Variants in DOCK11 observed in about 807,000 individuals in gnomAD.
The protein encoded by DOCK11 is dedicator of cytokinesis 11.
A neutral mutation model predicts 169.1 loss-of-function variants in DOCK11; 70 were observed. That is an observed-to-expected ratio of 0.41 (90% CI 0.34 to 0.51). DOCK11 has a LOEUF of 0.51. DOCK11 is among the 20% of genes least tolerant of loss of function. The pLI is 0.10. For synonymous variants in DOCK11, 529 were observed against 541.3 expected (o/e 0.98, Z 0.32); for missense variants, 1,166 against 1,538.8 (o/e 0.76, Z 4.05).
Position 118,572,229 on chromosome X carries a change from G to A in DOCK11, c.1036-94G>A, listed in dbSNP as rs921851888. ...AGGGTTCAAATGAAGAATGGACAGA[G>A]AACTGTTGGATTTTTGCCATTTTTT... On this transcript the variant is annotated intron_variant, in intron 10 of 52. Coordinates refer to ENST00000276202, the MANE Select transcript of DOCK11 (RefSeq NM_144658.4). 2.0e-5 allele frequency: 15 copies of A among 754,520 alleles called. No homozygotes were observed. The Admixed American group carries it at 3.8e-4, about 19-fold the overall frequency. 62.2% of individuals were successfully genotyped at this position (754,520 alleles called of 1,213,427 possible).
chrX:118,644,656 G>A lies in DOCK11; in HGVS notation c.4398+1062G>A, dbSNP rs889813992. On this transcript the variant is annotated intron_variant, in intron 40 of 52. Transcript: ENST00000276202. ...AGTCTGTATAGACCTCTGGGGGTGA[G>A]CAGGAGAAGAACTCTAATTTAGCAA... Among the ~76,000 whole-genome samples, 32 of 111,464 alleles carry A rather than the reference G, an allele frequency of 2.9e-4. No individual in the cohort carries two copies. In the Admixed American group the frequency reaches 3.1e-3, roughly 11 times the overall value.
intron 6 of DOCK11, among the ~76,000 whole-genome samples, chrX:118,551,253 G>A (rs1387208185): frequency 8.9e-6 from 1 of 112,649 alleles, no homozygotes; most frequent in Non-Finnish European, 1.9e-5. Flanking sequence ...CTTCTTCCCT[G>A]TGTTTTAGCT....
intron 20 of DOCK11, among the ~76,000 whole-genome samples, chrX:118,595,925 G>T (rs1293739015): frequency 9.0e-6 from 1 of 110,976 alleles, no homozygotes; most frequent in Admixed American, 9.6e-5. Flanking sequence ...GAAATGGGGA[G>T]TGACTTCTAA....
At chrX:118,538,833 TAA>T in intron 1 of DOCK11, 2 of 165,313 alleles carry the variant, frequency 1.2e-5, no homozygotes, top group Non-Finnish European at 2.0e-5. Context: ...CTTTTATGTA[TAA>T]GTCTAATAAT....
At chrX:118,665,431 G>T (rs2016317493) in intron 45 of DOCK11, among the ~76,000 whole-genome samples, 1 of 112,048 alleles carries the variant, frequency 8.9e-6, no homozygotes, top group South Asian at 3.7e-4. Context: ...ATTTCATGGG[G>T]CTTAACTGGT....
intron 24 of DOCK11, among the ~76,000 whole-genome samples, chrX:118,606,976 C>A (rs888081622): frequency 3.6e-5 from 4 of 110,040 alleles, no homozygotes; most frequent in African/African-American, 1.3e-4. Context: ...CCCCGGCTCT[C>A]CCTTCCTTTT....
At chrX:118,605,180 T>C in intron 23 of DOCK11, 58 bp from the exon 24 acceptor site, 1 of 862,704 alleles carries the variant, frequency 1.2e-6, no homozygotes, top group Admixed American at 3.3e-5. Flanking sequence ...CTGTTTCACA[T>C]TTGCAAATTT....
At chrX:118,676,201 A>C in intron 47 of DOCK11, 152 bp downstream of exon 47, 19 of 404,636 alleles carry the variant, frequency 4.7e-5, no homozygotes, top group Non-Finnish European at 6.0e-5. Flanking sequence ...TTTGGTTCTC[A>C]TATCTAAACC....
intron 37 of DOCK11, 64 bp downstream of exon 37, chrX:118,638,191 C>G: frequency 2.8e-6 from 3 of 1,062,899 alleles, no homozygotes; most frequent in Non-Finnish European, 3.9e-6. Context: ...CAATCTTAGT[C>G]ATGCCATGTA....
intron 46 of DOCK11, among the ~76,000 whole-genome samples, chrX:118,671,899 G>C (rs1348253609): frequency 1.4e-4 from 16 of 112,244 alleles, no homozygotes; most frequent in African/African-American, 4.9e-4. Context: ...GGCTTGTCTC[G>C]AACTCTTGAC....
At chrX:118,674,306 C>T (rs889803868) in intron 46 of DOCK11, among the ~76,000 whole-genome samples, 4 of 110,872 alleles carry the variant, frequency 3.6e-5, no homozygotes, top group African/African-American at 1.3e-4. Context: ...CCACCACTCC[C>T]GGCTAATTTT....
At chrX:118,568,255 AC>A in intron 10 of DOCK11, 93 bp downstream of exon 10, 2 of 518,326 alleles carry the variant, frequency 3.9e-6, no homozygotes, top group East Asian at 8.5e-5. Flanking sequence ...TTTTTCTTGC[AC>A]CAGTGGGGAA....
Position 118,627,866 on chromosome X carries a change from T to C in DOCK11, c.3664+287T>C, listed in dbSNP as rs145605146. On this transcript the variant is annotated intron_variant, in intron 33 of 52. Transcript: ENST00000276202. ...ACCAGTTTTAAGCCAGATACTCCCA[T>C]CTATGGGCTCAAGTTTCCTTGTCTA... Among the ~76,000 whole-genome samples the C allele has an allele frequency of 1.4e-3, 156 of 112,179 alleles. 1 individual carries two copies. The highest frequency in any genetic ancestry group is 4.7e-3 in the African/African-American group (145 of 30,924).
intron 1 of DOCK11, among the ~76,000 whole-genome samples, chrX:118,539,822 G>A (rs1380671446): frequency 2.7e-5 from 3 of 109,293 alleles, no homozygotes; most frequent in Non-Finnish European, 5.7e-5. Flanking sequence ...AGGTCAAGGC[G>A]GGGGGATCAC....
rs2015476882 is a variant in DOCK11 at position 118,639,556 on chromosome X, A to T, written c.4123A>T (p.Ser1375Cys). The change falls in exon 38 of 53, where the codon AGT (serine) becomes TGT (cysteine). Residue 1375 changes from serine (S) to cysteine (C), a missense_variant. By Grantham distance (112) the Ser-to-Cys change is moderately radical. Transcript: ENST00000276202. ...GCTTCAGCATCTTAGTAGCCTAGAAAGTTCATTTACACTTAATCACAGTAA... is the reference window on the plus strand; with the variant it reads ...GCTTCAGCATCTTAGTAGCCTAGAATGTTCATTTACACTTAATCACAGTAA... The part of the protein sequence containing the change: ...ARLQHLSSLE[S>C]SFTLNHSSTT... 8.3e-7 allele frequency: 1 copy of T among 1,208,444 alleles called. No individual in the cohort carries two copies. The highest frequency in any genetic ancestry group is 1.7e-5 in the African/African-American group (1 of 57,217).
intron 16 of DOCK11, among the ~76,000 whole-genome samples, chrX:118,585,510 G>A (rs1361822640): frequency 9.9e-6 from 1 of 101,242 alleles, no homozygotes; most frequent in Non-Finnish European, 2.0e-5. Context: ...ATCTAATCTA[G>A]TATGACCTCA....
At position 118,561,329 on chromosome X, in the gene DOCK11, T is replaced by C. The variant is rs774738326; in HGVS notation, c.559-54T>C. On this transcript the variant is annotated intron_variant, in intron 6 of 52. Transcript: ENST00000276202. The stretch of plus-strand genomic sequence containing the variant: ...GAGGTTTTTAGTTCAGAGAAACTAT[T>C]CAAATGCAATGTATATGTAACAAAT... 1.7e-5 allele frequency: 18 copies of C among 1,056,535 alleles called. No homozygotes were observed. The South Asian group carries it at 4.8e-4, about 28-fold the overall frequency. 87.1% of individuals were successfully genotyped at this position (1,056,535 alleles called of 1,213,427 possible). A position where few individuals can be genotyped will look rare whatever the true frequency, so the allele number is the denominator to read the frequency against.
rs1569447093 is a variant in DOCK11 at position 118,672,626 on chromosome X, A to ATG, written c.5199+1481_5199+1482insTG. Among the ~76,000 whole-genome samples, 23 of 112,272 alleles carry ATG rather than the reference A, an allele frequency of 2.0e-4. No individual in the cohort carries two copies. The Admixed American group carries it at 2.1e-3, about 10-fold the overall frequency. The stretch of plus-strand genomic sequence containing the variant: ...ATTTTTTTGTATTTTTAGTAGAGGC[A>ATG]GGGTTTCACCGTGTTAGCCAAGATG... On this transcript the variant is annotated intron_variant, in intron 46 of 52. Transcript: ENST00000276202.
intron 11 of DOCK11, 27 bp downstream of exon 11, chrX:118,572,490 C>G (rs377587132): frequency 1.4e-5 from 16 of 1,162,072 alleles, no homozygotes; most frequent in Non-Finnish European, 1.8e-5. Flanking sequence ...CTTCTACCCC[C>G]CTTGCATCAG....
Sources: allele counts gnomAD v4.1 joint callset (sites outside exome capture counted in the v4.1 genomes callset), GRCh38; gene constraint gnomAD v4.1.1; transcripts MANE v1.5; gene names NCBI Gene and HGNC (gene_info 2026-07-23, HGNC 2026-07-21).